The following FNDC7 variants were observed in gnomAD, a reference collection of about 807,000 sequenced individuals.
The protein encoded by FNDC7 is fibronectin type III domain-containing protein 7.
In FNDC7, 66 loss-of-function variants were observed where a neutral mutation model predicts 74.2. The observed-to-expected ratio is 0.89, with a 90% CI of 0.73 to 1.09. FNDC7 has a LOEUF of 1.09. Ranked by LOEUF, FNDC7 falls within the 50% of genes least tolerant of loss-of-function variation. The probability of loss-of-function intolerance (pLI) is 0.00; values close to 1 mark genes in which losing one functional copy is unlikely to be tolerated. For synonymous variants in FNDC7, 307 were observed against 330.2 expected (o/e 0.93, Z 0.76); for missense variants, 829 against 893.4 (o/e 0.93, Z 0.92).
At chr1:108,720,395 G>A (rs1461529891) in intron 4 of FNDC7, among the ~76,000 whole-genome samples, 2 of 152,212 alleles carry the variant, frequency 1.3e-5, no homozygotes, top group Admixed American at 6.5e-5. Context: ...CCGACACAGC[G>A]AGGCACAGGA....
chr1:108,740,452 T>G (rs1304331764), intron 11 of FNDC7, among the ~76,000 whole-genome samples: 1 of 151,570 alleles, frequency 6.6e-6, no homozygotes, highest in Non-Finnish European at 1.5e-5. Flanking sequence ...CTCAGCCACT[T>G]TAGTAGCTGG....
chr1:108,741,530 G>A (rs978243360), intron 11 of FNDC7, among the ~76,000 whole-genome samples: 2 of 152,212 alleles, frequency 1.3e-5, no homozygotes, highest in Non-Finnish European at 2.9e-5. Flanking sequence ...AGTGGTCTGG[G>A]ATTAAAGAGA....
At chr1:108,734,769 C>G (rs1372990484) in intron 10 of FNDC7, 2 of 152,324 alleles carry the variant, frequency 1.3e-5, no homozygotes, top group Non-Finnish European at 1.5e-5. Flanking sequence ...TCAGGATGAG[C>G]TCTTAGGAAG....
intron 7 of FNDC7, 146 bp downstream of exon 7, chr1:108,728,211 G>A (rs998034821): frequency 3.1e-5 from 33 of 1,069,362 alleles, no homozygotes; most frequent in East Asian, 1.9e-4. Context: ...CCCGTTGTAC[G>A]AAGGAGAGGC....
intron 2 of FNDC7, among the ~76,000 whole-genome samples, chr1:108,716,004 A>G (rs1025672069): frequency 1.3e-5 from 2 of 152,072 alleles, no homozygotes; most frequent in South Asian, 2.1e-4. Context: ...TGCCTCTCCT[A>G]GATCAATTCC....
intron 10 of FNDC7, 117 bp downstream of exon 10, chr1:108,733,649 C>CTTTT (rs397981150): frequency 4.4e-4 from 268 of 614,104 alleles, no homozygotes; most frequent in African/African-American, 1.1e-3. Context: ...AAATTTCTTT[C>CTTTT]TTTTTTTTTT....
chr1:108,725,642 C>T, intron 5 of FNDC7, 108 bp from the exon 6 acceptor site: 2 of 1,216,828 alleles, frequency 1.6e-6, no homozygotes, highest in Non-Finnish European at 2.3e-6. Context: ...CAATCTGTCA[C>T]AAAGCTCAGA....
rs141252453 is a variant in FNDC7 at position 108,717,855 on chromosome 1, G to C, written c.161G>C (p.Gly54Ala). ...SITVEWATVP[G>A]ATSYLLTAED... ...ACTGTAGAATGGGCTACAGTGCCGG[G>C]TGCCACCAGTTACCTCCTCACGGCT... Residue 54 changes from glycine (G) to alanine (A), a missense_variant, in exon 3 of 13, where the codon GGT becomes GCT. Gly to Ala is a moderately conservative substitution (Grantham distance 60). Coordinates refer to ENST00000370017, the MANE Select transcript of FNDC7 (RefSeq NM_001144937.3). The C allele has an allele frequency of 0.013, 19,673 of 1,551,712 alleles. 142 individuals carry two copies. The highest frequency in any genetic ancestry group is 0.015 in the Non-Finnish European group (17,283 of 1,147,000).
chr1:108,714,931 A>T (rs1383541344), intron 2 of FNDC7, among the ~76,000 whole-genome samples: 1 of 152,028 alleles, frequency 6.6e-6, no homozygotes, highest in Non-Finnish European at 1.5e-5. Context: ...GACAGAATCT[A>T]ACTCTGCCGT....
chr1:108,726,531 C>T (rs1382795506), intron 6 of FNDC7, among the ~76,000 whole-genome samples: 1 of 151,982 alleles, frequency 6.6e-6, no homozygotes, highest in African/African-American at 2.4e-5. Context: ...ATCATGAAAA[C>T]ATGAATGTAA....
At chr1:108,716,923 T>C (rs1431202245) in intron 2 of FNDC7, among the ~76,000 whole-genome samples, 1 of 152,202 alleles carries the variant, frequency 6.6e-6, no homozygotes, top group Non-Finnish European at 1.5e-5. Flanking sequence ...TTAGATCTCC[T>C]ATATCCAAGA....
intron 5 of FNDC7, among the ~76,000 whole-genome samples, chr1:108,723,299 GATA>G (rs1428434189): frequency 6.6e-6 from 1 of 152,136 alleles, no homozygotes; most frequent in African/African-American, 2.4e-5. Flanking sequence ...AGGGCACACC[GATA>G]ATAAGTGGTA....
At chr1:108,715,058 T>C (rs1230085095) in intron 2 of FNDC7, among the ~76,000 whole-genome samples, 2 of 152,206 alleles carry the variant, frequency 1.3e-5, no homozygotes, top group Non-Finnish European at 2.9e-5. Flanking sequence ...AAGCTACTGA[T>C]GCTGCTGCTA....
chr1:108,725,657 C>T, intron 5 of FNDC7, 93 bp from the exon 6 acceptor site: 1 of 1,367,738 alleles, frequency 7.3e-7, no homozygotes, highest in Non-Finnish European at 1.0e-6. Flanking sequence ...CTCAGAGTTG[C>T]TAATTTGGGT....
At chr1:108,740,309 C>G (rs1489740088) in intron 11 of FNDC7, among the ~76,000 whole-genome samples, 2 of 129,374 alleles carry the variant, frequency 1.5e-5, no homozygotes, top group Middle Eastern at 4.4e-3. Context: ...TATCCTAAAG[C>G]TTTTCAAACT....
chr1:108,716,370 TG>T (rs1660977079), intron 2 of FNDC7, among the ~76,000 whole-genome samples: 2 of 130,868 alleles, frequency 1.5e-5, no homozygotes, highest in African/African-American at 5.5e-5. Context: ...TGTGTGTGTG[TG>T]TGTGTTGGAA....
At position 108,742,322 on chromosome 1, in the gene FNDC7, G is replaced by C. The variant is rs1661668247; in HGVS notation, c.*435G>C. On this transcript the variant is annotated 3_prime_UTR_variant, in exon 13 of 13. Transcript: ENST00000370017. ...GGCTGGAAATGTTCACTCCCAGAAA[G>C]TCAAGCCACCCACATGCAGACAGCA... 1 of 156,202 alleles carries C rather than the reference G, an allele frequency of 6.4e-6. No individual in the cohort carries two copies. The allele number at this position is 156,202 out of a possible 1,614,324, so 9.7% of individuals were successfully genotyped here. A position where few individuals can be genotyped will look rare whatever the true frequency, so the allele number is the denominator to read the frequency against.
chr1:108,735,880 A>G (rs1345128672), intron 10 of FNDC7, among the ~76,000 whole-genome samples: 1 of 152,132 alleles, frequency 6.6e-6, no homozygotes, highest in Admixed American at 6.5e-5. Flanking sequence ...ATCACTGCTC[A>G]ATGCAGCCTT....
chr1:108,727,359 A>T (rs972192936), intron 6 of FNDC7, among the ~76,000 whole-genome samples: 2 of 152,032 alleles, frequency 1.3e-5, no homozygotes, highest in Non-Finnish European at 2.9e-5. Flanking sequence ...CAACAAAAAA[A>T]CTACTTATAT....
Sources: allele counts gnomAD v4.1 joint callset (sites outside exome capture counted in the v4.1 genomes callset), GRCh38; gene constraint gnomAD v4.1.1; transcripts MANE v1.5; gene names NCBI Gene and HGNC (gene_info 2026-07-23, HGNC 2026-07-21).